The following RHBDD1 variants were observed in gnomAD, a reference collection of about 807,000 sequenced individuals.
The protein encoded by RHBDD1 is rhomboid-related protein 4.
A neutral mutation model predicts 36.3 loss-of-function variants in RHBDD1; 38 were observed. The ratio of observed to expected loss-of-function variants is 1.05; its 90% CI spans 0.81 to 1.37. The LOEUF (loss-of-function observed/expected upper bound fraction) is 1.37, where lower values mean the gene tolerates loss of function less well. Ranked by LOEUF, RHBDD1 falls within the 40% of genes most tolerant of loss-of-function variation. The pLI is 0.00. For synonymous variants in RHBDD1, 151 were observed against 136.5 expected (o/e 1.11, Z -0.74); for missense variants, 393 against 377.6 (o/e 1.04, Z -0.34).
intron 7 of RHBDD1, among the ~76,000 whole-genome samples, chr2:226,912,849 G>T (rs760019501): frequency 6.6e-6 from 1 of 152,094 alleles, no homozygotes; most frequent in African/African-American, 2.4e-5. Context: ...TTGATAAATT[G>T]TATGGATGTC....
chr2:226,854,342 C>A (rs926241376), intron 3 of RHBDD1, among the ~76,000 whole-genome samples: 33 of 152,030 alleles, frequency 2.2e-4, no homozygotes, highest in African/African-American at 7.5e-4. Flanking sequence ...CCTGTAATCC[C>A]AGCACTTTAG....
intron 8 of RHBDD1, among the ~76,000 whole-genome samples, chr2:226,964,246 G>A (rs1248149615): frequency 6.6e-6 from 1 of 152,132 alleles, no homozygotes; most frequent in Non-Finnish European, 1.5e-5. Context: ...CAGTCATGTT[G>A]CTACTCCCAT....
the RHBDD1 span, among the ~76,000 whole-genome samples, chr2:226,808,062 G>T: frequency 1.2e-4 from 19 of 152,222 alleles, no homozygotes; most frequent in African/African-American, 4.1e-4. Flanking sequence ...TAGACTGTTG[G>T]GGGGAGGACA....
intron 8 of RHBDD1, among the ~76,000 whole-genome samples, chr2:226,929,194 C>T (rs1001512116): frequency 6.6e-6 from 1 of 151,942 alleles, no homozygotes; most frequent in Non-Finnish European, 1.5e-5. Context: ...AAGGACATAA[C>T]AAAAGAATAA....
In RHBDD1 at chr2:226,908,830, TC is replaced by T. The variant is rs1457471784; in HGVS notation, c.666del (p.Ser223ProfsTer46). 2 of 1,606,388 alleles carry T rather than the reference TC, an allele frequency of 1.2e-6. No individual in the cohort carries two copies. Among genetic ancestry groups the T allele is most frequent in the Non-Finnish European group, 1.7e-6 (2 of 1,172,940 alleles). On this transcript the variant is annotated frameshift_variant, in exon 7 of 9. Transcript: ENST00000392062. LOFTEE classifies it high-confidence loss of function. ...KIMEACAGGF[S>X]SSVGYPGRQY... ...ATTTCTTTTACGTTTAGGCGGTTTT[TC>T]CTCCAGTGTTGGTTACCCAGGACGG... is the stretch of plus-strand genomic sequence containing the variant.
At chr2:226,930,546 A>C (rs1254036971) in intron 8 of RHBDD1, among the ~76,000 whole-genome samples, 1 of 152,114 alleles carries the variant, frequency 6.6e-6, no homozygotes, top group Non-Finnish European at 1.5e-5. Flanking sequence ...TTCTAGAAGA[A>C]AACCTAGGAA....
intron 3 of RHBDD1, among the ~76,000 whole-genome samples, chr2:226,857,686 T>C (rs1017983982): frequency 1.1e-4 from 17 of 152,092 alleles, no homozygotes; most frequent in South Asian, 8.3e-4. Context: ...CAAAAGGCCA[T>C]GTATTGTGTG....
the RHBDD1 span, among the ~76,000 whole-genome samples, chr2:226,803,559 C>T: frequency 3.3e-5 from 5 of 152,090 alleles, no homozygotes. Flanking sequence ...GACATGCTGC[C>T]CACAGGAAAC....
At chr2:226,874,118 CAT>C (rs1445510982) in intron 5 of RHBDD1, among the ~76,000 whole-genome samples, 1 of 152,036 alleles carries the variant, frequency 6.6e-6, no homozygotes, top group Admixed American at 6.6e-5. Context: ...AAACTGCACC[CAT>C]GTTCCACTCA....
chr2:226,833,894 G>T (rs1247449878), upstream of RHBDD1, among the ~76,000 whole-genome samples: 1 of 152,120 alleles, frequency 6.6e-6, no homozygotes, highest in Non-Finnish European at 1.5e-5. Context: ...CATTTCAACA[G>T]AAACTTTTAA....
chr2:226,828,190 G>A, the RHBDD1 span, among the ~76,000 whole-genome samples: 1 of 152,144 alleles, frequency 6.6e-6, no homozygotes, highest in Non-Finnish European at 1.5e-5. Flanking sequence ...GCCTTTTCCA[G>A]ACATTTCATG....
intron 8 of RHBDD1, among the ~76,000 whole-genome samples, chr2:226,966,028 A>G (rs554437520): frequency 7.9e-5 from 12 of 152,214 alleles, no homozygotes; most frequent in African/African-American, 1.2e-4. Context: ...TTAATTTACC[A>G]TGATCAAGTA....
At chr2:226,913,653 T>C (rs984805476) in intron 7 of RHBDD1, among the ~76,000 whole-genome samples, 16 of 152,198 alleles carry the variant, frequency 1.1e-4, no homozygotes, top group African/African-American at 3.9e-4. Context: ...CTTTCTTGTT[T>C]TATCTAGAAA....
chr2:226,972,409 A>G (rs1953712604), intron 8 of RHBDD1, among the ~76,000 whole-genome samples: 1 of 152,206 alleles, frequency 6.6e-6, no homozygotes, highest in Non-Finnish European at 1.5e-5. Context: ...GGGATTACCT[A>G]AAGAGCAGAG....
intron 8 of RHBDD1, among the ~76,000 whole-genome samples, chr2:226,966,302 C>T (rs1952624613): frequency 6.6e-6 from 1 of 152,182 alleles, no homozygotes; most frequent in Non-Finnish European, 1.5e-5. Flanking sequence ...CACCGTAAGG[C>T]TCATCCTTGG....
chr2:226,896,474 T>C (rs994169360), intron 5 of RHBDD1, among the ~76,000 whole-genome samples: 4 of 152,190 alleles, frequency 2.6e-5, no homozygotes, highest in Admixed American at 6.5e-5. Context: ...AGATCTGTTG[T>C]AGTAGTATTA....
At chr2:226,853,423 C>T (rs923865260) in intron 3 of RHBDD1, among the ~76,000 whole-genome samples, 14 of 152,150 alleles carry the variant, frequency 9.2e-5, no homozygotes, top group Non-Finnish European at 1.3e-4. Flanking sequence ...ATGTGGAACT[C>T]GGCTTTCTTG....
At chr2:226,961,985 C>A (rs1208545332) in intron 8 of RHBDD1, among the ~76,000 whole-genome samples, 4 of 152,156 alleles carry the variant, frequency 2.6e-5, no homozygotes, top group African/African-American at 9.7e-5. Flanking sequence ...CTAATGCCTC[C>A]GGTGTCTTTC....
chr2:226,801,145 TGCAGG>T, the RHBDD1 span, among the ~76,000 whole-genome samples: 1 of 152,194 alleles, frequency 6.6e-6, no homozygotes, highest in South Asian at 2.1e-4. Context: ...TCCCAGGCAC[TGCAGG>T]ATGCTGGCTG....
Sources: gnomAD v4.1 joint callset for allele counts (sites outside exome capture counted in the v4.1 genomes callset) on GRCh38, gnomAD v4.1.1 for gene constraint, MANE v1.5 for transcripts, NCBI Gene and HGNC (gene_info 2026-07-23, HGNC 2026-07-21) for gene names.